Variants in EPHA5 observed in about 807,000 individuals in gnomAD.
EPHA5 encodes the protein ephrin type-A receptor 5.
Under a neutral mutation model 105.0 loss-of-function variants are expected in EPHA5, and 60 were observed. That is an observed-to-expected ratio of 0.57 (90% CI 0.46 to 0.71). The LOEUF is 0.71. Among genes scored for constraint, EPHA5 ranks in the 30% least tolerant of loss-of-function variants. The probability of loss-of-function intolerance (pLI) is 0.00; values close to 1 mark genes in which losing one functional copy is unlikely to be tolerated. For synonymous variants in EPHA5, 513 were observed against 449.1 expected, an observed-to-expected ratio of 1.14 and a Z score of -1.80; for missense variants, 1,218 against 1,274.7, an observed-to-expected ratio of 0.96 and a Z score of 0.68.
intron 3 of EPHA5, among the ~76,000 whole-genome samples, chr4:65,538,776 A>C (rs1200811728): frequency 6.6e-6 from 1 of 151,680 alleles, no homozygotes; most frequent in African/African-American, 2.4e-5. Context: ...ATTGGATATG[A>C]GGAAATGACT....
chr4:65,393,800 T>G (rs9790816), intron 8 of EPHA5, among the ~76,000 whole-genome samples: 96,694 of 151,998 alleles, frequency 0.64, 32,022 homozygotes, highest in East Asian at 0.85. Flanking sequence ...TGCAAGCAAA[T>G]AAATCCAAGA....
chr4:65,490,917 AAC>A (rs1308790838), intron 4 of EPHA5, among the ~76,000 whole-genome samples: 1 of 152,184 alleles, frequency 6.6e-6, no homozygotes, highest in Non-Finnish European at 1.5e-5. Context: ...GCATTGTTAT[AAC>A]ACTAGTTCAG....
intron 3 of EPHA5, 38 bp downstream of exon 3, chr4:65,601,603 A>G (rs2149436415): frequency 6.3e-7 from 1 of 1,585,046 alleles, no homozygotes; most frequent in Non-Finnish European, 8.6e-7. Context: ...ATCCAACTGA[A>G]GCAGACAGCC....
chr4:65,337,119 A>G (rs1721261282), intron 14 of EPHA5, among the ~76,000 whole-genome samples: 1 of 152,034 alleles, frequency 6.6e-6, no homozygotes, highest in Admixed American at 6.6e-5. Flanking sequence ...GTACATATTT[A>G]TGGAATACAG....
chr4:65,430,912 C>T (rs182854192), intron 5 of EPHA5, among the ~76,000 whole-genome samples: 68 of 152,148 alleles, frequency 4.5e-4, no homozygotes, highest in Admixed American at 1.2e-3. Flanking sequence ...ATAGGAGAAA[C>T]AACTGTCTTT....
chr4:65,607,983 C>A (rs1212794885), intron 2 of EPHA5, among the ~76,000 whole-genome samples: 1 of 152,074 alleles, frequency 6.6e-6, no homozygotes, highest in Non-Finnish European at 1.5e-5. Context: ...ATATATACAC[C>A]ATGAAACACT....
rs935578994 is a variant in EPHA5, at chr4:65,646,009, T to C, written c.182-2582A>G. ...CATATTATTATATTATGATTTTGTT[T>C]ATATAATGGAGAATAAATTAGGATT... is the stretch of plus-strand genomic sequence containing the variant. On this transcript the variant is annotated intron_variant, in intron 1 of 16. Transcript: ENST00000613740. Among the ~76,000 whole-genome samples the C allele has an allele frequency of 5.3e-5, 8 of 152,178 alleles. No homozygotes were observed. The East Asian group carries it at 1.5e-3, about 29-fold the overall frequency.
chr4:65,653,461 T>C (rs2149532599), intron 1 of EPHA5, among the ~76,000 whole-genome samples: 1 of 152,238 alleles, frequency 6.6e-6, no homozygotes, highest in South Asian at 2.1e-4. Context: ...AGTACAAATA[T>C]TGTGCCAAAT....
chr4:65,655,217 T>C (rs1464194888), intron 1 of EPHA5, among the ~76,000 whole-genome samples: 2 of 152,046 alleles, frequency 1.3e-5, no homozygotes, highest in East Asian at 3.9e-4. Context: ...ATATGTTAAG[T>C]GATATATACA....
intron 10 of EPHA5, among the ~76,000 whole-genome samples, chr4:65,365,664 TA>T (rs1560457972): frequency 0.027 from 2,527 of 92,574 alleles, 267 homozygotes; most frequent in Non-Finnish European, 0.042. Flanking sequence ...TATATATATA[TA>T]TATATATATA....
rs368790458 is a variant in EPHA5, at chr4:65,669,634, G to C, written c.109C>G (p.Arg37Gly). ...AGAAGGCACGTCCAGAGGGGAGCCCGTCGAGGTGCAGAGTAGCAGCCGGCC... is the reference window on the plus strand; with the variant it reads ...AGAAGGCACGTCCAGAGGGGAGCCCCTCGAGGTGCAGAGTAGCAGCCGGCC... ...SLAGCYSAPR[R>G]APLWTCLLLC... The change falls in exon 1 of 17, where the codon CGG (arginine) becomes GGG (glycine). Residue 37 changes from arginine to glycine, a missense_variant. This residue lies in a region of EPHA5 where 233 missense variants were observed against 227.5 expected (regional missense o/e 1.02). Transcript: ENST00000613740. The C allele has an allele frequency of 1.4e-6, 2 of 1,413,230 alleles. No homozygotes were observed. The highest frequency in any genetic ancestry group is 1.9e-6 in the Non-Finnish European group (2 of 1,077,480). The allele number at this position is 1,413,230 out of a possible 1,614,324, so 87.5% of individuals were successfully genotyped here. A position where few individuals can be genotyped will look rare whatever the true frequency, so the allele number is the denominator to read the frequency against.
At chr4:65,328,779 G>T (rs1720323012) in intron 16 of EPHA5, among the ~76,000 whole-genome samples, 1 of 151,084 alleles carries the variant, frequency 6.6e-6, no homozygotes, top group Non-Finnish European at 1.5e-5. Flanking sequence ...AAGAGATGTT[G>T]TCAGGGCTAG....
At chr4:65,655,996 T>C (rs1749019908) in intron 1 of EPHA5, among the ~76,000 whole-genome samples, 2 of 152,044 alleles carry the variant, frequency 1.3e-5, no homozygotes, top group East Asian at 1.9e-4. Context: ...CCTAAAAAGA[T>C]GTCTCAGAAG....
chr4:65,565,362 T>C (rs1739429247), intron 3 of EPHA5, among the ~76,000 whole-genome samples: 1 of 151,694 alleles, frequency 6.6e-6, no homozygotes, highest in East Asian at 1.9e-4. Context: ...TTTTAAGCCT[T>C]CACAAAGTAT....
chr4:65,656,198 A>C (rs1049132512), intron 1 of EPHA5, among the ~76,000 whole-genome samples: 1 of 151,098 alleles, frequency 6.6e-6, no homozygotes, highest in African/African-American at 2.4e-5. Flanking sequence ...GCTTTCTACA[A>C]TGACTCATAC....
At chr4:65,380,425 A>G (rs1719442631) in intron 8 of EPHA5, among the ~76,000 whole-genome samples, 1 of 151,758 alleles carries the variant, frequency 6.6e-6, no homozygotes, top group African/African-American at 2.4e-5. Context: ...AAGTGTGTCT[A>G]TGTAAGTATG....
At chr4:65,488,885 ATTTTTTTT>A (rs5858962) in intron 5 of EPHA5, among the ~76,000 whole-genome samples, 1 of 117,790 alleles carries the variant, frequency 8.5e-6, no homozygotes, top group African/African-American at 3.2e-5. Flanking sequence ...AGCTGCATGC[ATTTTTTTT>A]TTTTTTTTTT....
intron 3 of EPHA5, among the ~76,000 whole-genome samples, chr4:65,568,446 A>G (rs1011583690): frequency 6.6e-6 from 1 of 151,452 alleles, no homozygotes; most frequent in African/African-American, 2.4e-5. Context: ...TCAAATAATC[A>G]TATATTTGGA....
chr4:65,577,544 C>G (rs946320494), intron 3 of EPHA5, among the ~76,000 whole-genome samples: 4 of 152,026 alleles, frequency 2.6e-5, no homozygotes, highest in Non-Finnish European at 4.4e-5. Context: ...AAAACCATTC[C>G]AAGTCAGTTC....
Sources: allele counts gnomAD v4.1 joint callset (sites outside exome capture counted in the v4.1 genomes callset), GRCh38; gene constraint gnomAD v4.1.1; regional missense constraint gnomAD v4.1.1; transcripts MANE v1.5; gene names NCBI Gene and HGNC (gene_info 2026-07-23, HGNC 2026-07-21).